C1orf53: variants seen among roughly 807,000 people sequenced by gnomAD.
C1orf53 encodes the protein chromosome 1 open reading frame 53, also known as uncharacterized protein C1orf53.
C1orf53 carries 23 observed loss-of-function variants against 17.5 expected under a neutral mutation model. That is an observed-to-expected ratio of 1.31 (90% confidence interval 0.94 to 1.86). C1orf53 has a LOEUF of 1.86. Ranked by LOEUF, C1orf53 falls within the 40% of genes most tolerant of loss-of-function variation. The pLI is 0.00. For synonymous variants in C1orf53, 108 were observed against 81.9 expected, an observed-to-expected ratio of 1.32 and a Z score of -1.72; for missense variants, 255 against 193.2, an observed-to-expected ratio of 1.32 and a Z score of -1.89.
At chr1:197,905,996 A>C in intron 2 of C1orf53, 99 bp downstream of exon 2, 1 of 911,996 alleles carries the variant, frequency 1.1e-6, no homozygotes, top group Non-Finnish European at 1.8e-6. Flanking sequence ...AAAACCAAAT[A>C]GACCTGGAGT....
intron 2 of C1orf53, 33 bp downstream of exon 2, chr1:197,905,930 T>G: frequency 6.8e-7 from 1 of 1,465,430 alleles, no homozygotes; most frequent in Non-Finnish European, 9.6e-7. Flanking sequence ...CAGCAGCAGT[T>G]TGCGGTGCTT....
At chr1:197,903,025 C>G in intron 1 of C1orf53, 112 bp downstream of exon 1, 1 of 1,038,766 alleles carries the variant, frequency 9.6e-7, no homozygotes, top group Non-Finnish European at 1.3e-6. Context: ...GCAAAGGTTG[C>G]TGGATACCGG....
At chr1:197,907,106 T>A (rs1254469083) in intron 2 of C1orf53, 43 bp from the exon 3 acceptor site, 2 of 1,201,458 alleles carry the variant, frequency 1.7e-6, no homozygotes, top group African/African-American at 3.1e-5. Flanking sequence ...TTCAAGATGA[T>A]TGTTAAATAA....
Position 197,907,205 on chromosome 1 carries a change from A to T in C1orf53, c.423A>T (p.Ser141=). ...CATCTAAAAAGAAGCAATTCAATTC[A>T]TATTTTTATGTTTGACAAGAATTTC... ...KDPSKKKQFN[S]YFYV The change falls in exon 3 of 3, where the codon TCA becomes TCT. Residue 141 remains serine, a synonymous_variant. Transcript: ENST00000367393. 1.3e-6 allele frequency: 2 copies of T among 1,577,406 alleles called. No homozygotes were observed. Among genetic ancestry groups the T allele is most frequent in the Non-Finnish European group, 1.7e-6 (2 of 1,151,934 alleles).
Position 197,902,762 on chromosome 1 carries a change from G to C in C1orf53, c.113G>C (p.Ser38Thr). 1 of 1,576,948 alleles carries C rather than the reference G, an allele frequency of 6.3e-7. No individual in the cohort carries two copies. The highest frequency in any genetic ancestry group is 8.6e-7 in the Non-Finnish European group (1 of 1,169,142). Residue 38 changes from serine to threonine, a missense_variant, in exon 1 of 3, where the codon AGC becomes ACC. Transcript: ENST00000367393. ...WVRAGFRQQL[S>T]LTLCPANEGN... ...AGAGCTGGGTTCCGACAGCAGCTCAGCTTAACCCTCTGCCCTGCTAACGAG... is the reference window on the plus strand; with the variant it reads ...AGAGCTGGGTTCCGACAGCAGCTCACCTTAACCCTCTGCCCTGCTAACGAG...
Position 197,902,837 on chromosome 1 carries a change from C to A in C1orf53, c.188C>A (p.Ala63Glu), listed in dbSNP as rs1460071143. 1 of 1,560,490 alleles carries A rather than the reference C, an allele frequency of 6.4e-7. No individual in the cohort carries two copies. The highest frequency in any genetic ancestry group is 8.6e-7 in the Non-Finnish European group (1 of 1,160,856). ...APSTPGRPER[A>E]ARPSVSEELT... ...AGCACGCCCGGTAGGCCGGAGAGAGCGGCGAGGCCTTCGGTGAGCGAAGAG... is the reference window on the plus strand; with the variant it reads ...AGCACGCCCGGTAGGCCGGAGAGAGAGGCGAGGCCTTCGGTGAGCGAAGAG... Residue 63 changes from alanine (A) to glutamate (E), a missense_variant, in exon 1 of 3, where the codon GCG (alanine) becomes GAG (glutamate). Coordinates refer to ENST00000367393, the MANE Select transcript of C1orf53 (RefSeq NM_001024594.3).
At chr1:197,904,001 CA>C (rs1476705152) in intron 1 of C1orf53, among the ~76,000 whole-genome samples, 1 of 152,224 alleles carries the variant, frequency 6.6e-6, no homozygotes, top group Non-Finnish European at 1.5e-5. Context: ...AAGAAATTTT[CA>C]ATCAGTCTAG....
Position 197,904,070 on chromosome 1 carries a change from T to C in C1orf53, c.264+1157T>C, listed in dbSNP as rs78497532. On this transcript the variant is annotated intron_variant, in intron 1 of 2. Coordinates refer to ENST00000367393, the MANE Select transcript of C1orf53 (RefSeq NM_001024594.3). ...TTCACATTTGTTTCATCAGTGTCAG[T>C]ATCACAGGTTAAATGACTATCCAGG... 1.4e-3 allele frequency among the ~76,000 whole-genome samples: 210 copies of C among 152,342 alleles called. 1 individual carries two copies. The East Asian group carries it at 0.033, about 24-fold the overall frequency.
At position 197,902,807 on chromosome 1, in the gene C1orf53, C is replaced by A. The variant is rs774637882; in HGVS notation, c.158C>A (p.Ala53Glu). ...AACGAGGGAAACTGCGGCGGCTCCGCGCCCAGCACGCCCGGTAGGCCGGAG... is the reference window on the plus strand; with the variant it reads ...AACGAGGGAAACTGCGGCGGCTCCGAGCCCAGCACGCCCGGTAGGCCGGAG... ...PANEGNCGGS[A>E]PSTPGRPERA... Residue 53 changes from alanine to glutamate, a missense_variant, in exon 1 of 3, where the codon GCG becomes GAG. By Grantham distance (107) the Ala-to-Glu change is moderately radical. Coordinates refer to ENST00000367393, the MANE Select transcript of C1orf53 (RefSeq NM_001024594.3). 2.1e-5 allele frequency: 33 copies of A among 1,575,008 alleles called. No homozygotes were observed. Among genetic ancestry groups the A allele is most frequent in the Non-Finnish European group, 2.8e-5 (33 of 1,168,150 alleles).
intron 1 of C1orf53, among the ~76,000 whole-genome samples, chr1:197,903,783 C>T (rs2102582470): frequency 6.6e-6 from 1 of 152,178 alleles, no homozygotes; most frequent in East Asian, 1.9e-4. Flanking sequence ...GTTAGTAGGC[C>T]CTGAGAATCC....
intron 1 of C1orf53, among the ~76,000 whole-genome samples, chr1:197,904,203 T>C (rs911405363): frequency 4.1e-4 from 63 of 152,362 alleles, no homozygotes; most frequent in African/African-American, 1.4e-3. Flanking sequence ...GATAGCTCTC[T>C]TACCTTTCTC....
At chr1:197,905,572 C>T (rs1160776675) in intron 1 of C1orf53, 4 of 457,658 alleles carry the variant, frequency 8.7e-6, no homozygotes, top group African/African-American at 8.1e-5. Flanking sequence ...CCATCAACTT[C>T]TCATTTTTCT....
In C1orf53 at chr1:197,907,249, T is replaced by A; in HGVS notation, c.*29T>A. The A allele has an allele frequency of 1.5e-6, 2 of 1,324,874 alleles. No individual in the cohort carries two copies. Among genetic ancestry groups the A allele is most frequent in the Non-Finnish European group, 2.1e-6 (2 of 943,240 alleles). 82.1% of individuals were successfully genotyped at this position (1,324,874 alleles called of 1,614,324 possible). On this transcript the variant is annotated 3_prime_UTR_variant, in exon 3 of 3. Coordinates refer to ENST00000367393, the MANE Select transcript of C1orf53 (RefSeq NM_001024594.3). ...GAATTTCATCTCTGTTCCCTAACTG[T>A]GCTTGTATTTTTTAAAAAATAAAGC...
chr1:197,903,933 T>C (rs1659479854), intron 1 of C1orf53, among the ~76,000 whole-genome samples: 1 of 152,214 alleles, frequency 6.6e-6, no homozygotes, highest in Non-Finnish European at 1.5e-5. Flanking sequence ...GCAATATAGA[T>C]ATGGTGGATA....
At position 197,902,990 on chromosome 1, in the gene C1orf53, C is replaced by T. The variant is rs908893969; in HGVS notation, c.264+77C>T. On this transcript the variant is annotated intron_variant, in intron 1 of 2. Coordinates refer to ENST00000367393, the MANE Select transcript of C1orf53 (RefSeq NM_001024594.3). The stretch of plus-strand genomic sequence containing the variant: ...CGCGCCTGCGCATCCCGGGCCTCTC[C>T]GGACCCGGAGGCCGCCCGGCAGAGG... 49 of 1,273,594 alleles carry T rather than the reference C, an allele frequency of 3.8e-5. No homozygotes were observed. The African/African-American group carries it at 6.9e-4, about 18-fold the overall frequency. 78.9% of individuals were successfully genotyped at this position (1,273,594 alleles called of 1,614,324 possible).
At chr1:197,904,448 A>G (rs1461600730) in intron 1 of C1orf53, among the ~76,000 whole-genome samples, 1 of 152,252 alleles carries the variant, frequency 6.6e-6, no homozygotes, top group African/African-American at 2.4e-5. Flanking sequence ...TGCCCTCAGA[A>G]GACTCCCAGA....
chr1:197,902,676 G>T lies in C1orf53; in HGVS notation c.27G>T (p.Arg9=). Residue 9 remains arginine (R), a synonymous_variant, in exon 1 of 3, where the codon CGG becomes CGT. Coordinates refer to ENST00000367393, the MANE Select transcript of C1orf53 (RefSeq NM_001024594.3). MAARQIWA[R]TGAALCRQPS... is the part of the protein sequence containing the mutation. Reference sequence around the variant, plus strand: ...TGGCGGCCAGGCAGATCTGGGCACGGACGGGTGCCGCGCTCTGCAGGCAAC... The same window carrying T: ...TGGCGGCCAGGCAGATCTGGGCACGTACGGGTGCCGCGCTCTGCAGGCAAC... 6.7e-7 allele frequency: 1 copy of T among 1,494,658 alleles called. No individual in the cohort carries two copies. The highest frequency in any genetic ancestry group is 8.9e-7 in the Non-Finnish European group (1 of 1,129,442). The allele number at this position is 1,494,658 out of a possible 1,614,324, so 92.6% of individuals were successfully genotyped here.
At chr1:197,904,958 G>A (rs1372246111) in intron 1 of C1orf53, among the ~76,000 whole-genome samples, 1 of 152,030 alleles carries the variant, frequency 6.6e-6, no homozygotes, top group Admixed American at 6.6e-5. Context: ...GTGGTAAAAA[G>A]GTTATACAAA....
At chr1:197,906,842 C>T (rs572446626) in intron 2 of C1orf53, among the ~76,000 whole-genome samples, 1 of 152,330 alleles carries the variant, frequency 6.6e-6, no homozygotes, top group East Asian at 1.9e-4. Flanking sequence ...TTCCTGTGCC[C>T]TTAGCTGTTT....
Sources: allele counts gnomAD v4.1 joint callset (sites outside exome capture counted in the v4.1 genomes callset), GRCh38; gene constraint gnomAD v4.1.1; transcripts MANE v1.5; gene names NCBI Gene and HGNC (gene_info 2026-07-23, HGNC 2026-07-21).